Variants in TRAF3IP1 observed in about 807,000 individuals in gnomAD.
TRAF3IP1 encodes the protein intraflagellar transport 54.
TRAF3IP1 carries 53 observed loss-of-function variants against 89.9 expected under a neutral mutation model. The ratio of observed to expected loss-of-function variants is 0.59; its 90% CI spans 0.47 to 0.74. The LOEUF is 0.74. TRAF3IP1 is among the 30% of genes least tolerant of loss of function. The pLI is 0.00. For missense variants in TRAF3IP1, 806 were observed against 866.1 expected (o/e 0.93, Z 0.87); for synonymous variants, 311 against 322.1 (o/e 0.97, Z 0.37).
intron 8 of TRAF3IP1, 82 bp from the exon 9 acceptor site, chr2:238,344,415 G>C (rs1184095948): frequency 5.7e-6 from 6 of 1,053,762 alleles, no homozygotes; most frequent in Non-Finnish European, 7.2e-6. Context: ...ATAAGTAAGT[G>C]TGCTCTATGT....
intron 7 of TRAF3IP1, among the ~76,000 whole-genome samples, chr2:238,334,766 G>A (rs77051416): frequency 2.0e-5 from 3 of 152,322 alleles, no homozygotes; most frequent in Non-Finnish European, 2.9e-5. Context: ...TTAGTAATGC[G>A]TTTGTGACCA....
At chr2:238,378,804 CA>C (rs1227793230) in intron 15 of TRAF3IP1, among the ~76,000 whole-genome samples, 7 of 152,220 alleles carry the variant, frequency 4.6e-5, no homozygotes, top group African/African-American at 1.7e-4. Context: ...GACCCCCCCC[CA>C]GGCCCCAGGC....
intron 15 of TRAF3IP1, among the ~76,000 whole-genome samples, chr2:238,387,059 A>G (rs509063): frequency 0.74 from 112,488 of 152,224 alleles, 41,733 homozygotes; most frequent in Middle Eastern, 0.8. Flanking sequence ...TATTTAATAC[A>G]GTCACCTACA....
intron 15 of TRAF3IP1, among the ~76,000 whole-genome samples, chr2:238,386,348 T>C (rs1700772831): frequency 6.6e-6 from 1 of 152,220 alleles, no homozygotes; most frequent in African/African-American, 2.4e-5. Context: ...AGTCTCACTC[T>C]GTCTCCCAGG....
chr2:238,392,671 G>A (rs1337204282), intron 15 of TRAF3IP1, among the ~76,000 whole-genome samples: 2 of 152,092 alleles, frequency 1.3e-5, no homozygotes, highest in African/African-American at 4.8e-5. Context: ...CCCCCACCCG[G>A]GTTCAAGGGA....
At chr2:238,393,510 C>T (rs1248898937) in intron 15 of TRAF3IP1, among the ~76,000 whole-genome samples, 2 of 152,156 alleles carry the variant, frequency 1.3e-5, no homozygotes, top group Admixed American at 6.5e-5. Context: ...CAGGGTCTTT[C>T]GCAGAGCAAA....
At chr2:238,370,189 CTG>C (rs1245054576) in intron 15 of TRAF3IP1, among the ~76,000 whole-genome samples, 2 of 151,844 alleles carry the variant, frequency 1.3e-5, no homozygotes, top group Non-Finnish European at 2.9e-5. Flanking sequence ...GTGTGCATGT[CTG>C]TATGTATGTG....
chr2:238,397,246 A>T (rs1276879848), intron 15 of TRAF3IP1, among the ~76,000 whole-genome samples: 1 of 152,206 alleles, frequency 6.6e-6, no homozygotes, highest in Admixed American at 6.5e-5. Flanking sequence ...CCTCCCTGGC[A>T]GTGCTGTGTC....
chr2:238,377,230 CTTTTTT>C (rs71402784), intron 15 of TRAF3IP1, among the ~76,000 whole-genome samples: 1,021 of 86,704 alleles, frequency 0.012, 8 homozygotes, highest in Admixed American at 0.013. Context: ...TCCTGATTTT[CTTTTTT>C]TTTTTTTTTT....
chr2:238,356,849 G>T (rs1414087609), intron 15 of TRAF3IP1, among the ~76,000 whole-genome samples: 1 of 151,584 alleles, frequency 6.6e-6, no homozygotes, highest in Non-Finnish European at 1.5e-5. Context: ...CATGATCTCG[G>T]CTCACTGCAA....
rs752772495 is a variant in TRAF3IP1 at position 238,320,751 on chromosome 2, C to G, written c.89C>G (p.Pro30Arg). The change falls in exon 1 of 17, where the codon CCC becomes CGC. Residue 30 changes from proline to arginine, a missense_variant. Pro to Arg is a moderately radical substitution (Grantham distance 103). Coordinates refer to ENST00000373327, the MANE Select transcript of TRAF3IP1 (RefSeq NM_015650.4). The part of the protein sequence containing the change: ...PPLTEKLLSK[P>R]PFRYLHDIIT... ...CTGACCGAGAAGCTGCTGAGCAAGC[C>G]CCCGTTCCGCTACCTGCACGACATC... 6.9e-7 allele frequency: 1 copy of G among 1,440,638 alleles called. No homozygotes were observed. Among genetic ancestry groups the G allele is most frequent in the African/African-American group, 1.5e-5 (1 of 67,258 alleles). The allele number at this position is 1,440,638 out of a possible 1,614,324, so 89.2% of individuals were successfully genotyped here.
chr2:238,353,088 G>T lies in TRAF3IP1; in HGVS notation c.1576-85G>T. The stretch of plus-strand genomic sequence containing the variant: ...GTTTTCTACCTTCGTTAATTTTGTT[G>T]TTCTTTTTTTGAGATCCACAGAAGC... On this transcript the variant is annotated intron_variant, in intron 13 of 16. Coordinates refer to ENST00000373327, the MANE Select transcript of TRAF3IP1 (RefSeq NM_015650.4). 1.3e-6 allele frequency: 2 copies of T among 1,578,712 alleles called. No individual in the cohort carries two copies. Among genetic ancestry groups the T allele is most frequent in the South Asian group, 1.1e-5 (1 of 87,254 alleles).
intron 6 of TRAF3IP1, among the ~76,000 whole-genome samples, chr2:238,333,257 G>A (rs1698215435): frequency 6.6e-6 from 1 of 152,142 alleles, no homozygotes; most frequent in Admixed American, 6.5e-5. Context: ...GGGGCCAGTG[G>A]GAGGGACCCC....
chr2:238,372,127 C>T (rs1308870297), intron 15 of TRAF3IP1, among the ~76,000 whole-genome samples: 1 of 148,324 alleles, frequency 6.7e-6, no homozygotes, highest in African/African-American at 2.4e-5. Context: ...TTTTTCTCCA[C>T]TTTCTTTTTC....
chr2:238,324,248 A>G (rs916955325), intron 1 of TRAF3IP1, among the ~76,000 whole-genome samples: 2 of 152,030 alleles, frequency 1.3e-5, no homozygotes, highest in Non-Finnish European at 2.9e-5. Context: ...TTGTATTTTT[A>G]GTAGAGACGG....
chr2:238,341,350 C>A (rs186427993), intron 8 of TRAF3IP1, among the ~76,000 whole-genome samples: 1 of 151,882 alleles, frequency 6.6e-6, no homozygotes, highest in Non-Finnish European at 1.5e-5. Context: ...TGAACTGTTT[C>A]AAAGTATGTT....
intron 15 of TRAF3IP1, among the ~76,000 whole-genome samples, chr2:238,385,920 A>G (rs1209733899): frequency 6.6e-6 from 1 of 152,236 alleles, no homozygotes. Flanking sequence ...GTCACCCTTC[A>G]GTGAACAGGT....
chr2:238,398,710 A>G (rs1701350730), intron 16 of TRAF3IP1, 44 bp from the exon 17 acceptor site: 2 of 1,512,774 alleles, frequency 1.3e-6, no homozygotes, highest in Non-Finnish European at 1.8e-6. Flanking sequence ...CCAACACACA[A>G]TGAGATGAGA....
chr2:238,365,207 A>C (rs1699823400), intron 15 of TRAF3IP1, among the ~76,000 whole-genome samples: 1 of 152,168 alleles, frequency 6.6e-6, no homozygotes, highest in Admixed American at 6.5e-5. Flanking sequence ...CAGTTTCATC[A>C]CAAATACTAT....
Sources: gnomAD v4.1 joint callset for allele counts (sites outside exome capture counted in the v4.1 genomes callset) on GRCh38, gnomAD v4.1.1 for gene constraint, MANE v1.5 for transcripts, NCBI Gene and HGNC (gene_info 2026-07-23, HGNC 2026-07-21) for gene names.